Variants in MROH7 observed in about 807,000 individuals in gnomAD.
The protein encoded by MROH7 is maestro heat-like repeat-containing protein family member 7.
Under a neutral mutation model 129.2 loss-of-function variants are expected in MROH7, and 113 were observed. That is an observed-to-expected ratio of 0.87 (90% CI 0.75 to 1.02). The LOEUF (loss-of-function observed/expected upper bound fraction) is 1.02, where lower values mean the gene tolerates loss of function less well. Ranked by LOEUF, MROH7 falls within the 50% of genes least tolerant of loss-of-function variation. MROH7 has a pLI of 0.00. For synonymous variants in MROH7, 655 were observed against 667.9 expected (o/e 0.98, Z 0.30); for missense variants, 1,601 against 1,671.3 (o/e 0.96, Z 0.73).
chr1:54,704,579 T>C (rs981186908), intron 21 of MROH7, among the ~76,000 whole-genome samples: 3 of 151,306 alleles, frequency 2.0e-5, no homozygotes, highest in Non-Finnish European at 4.4e-5. Context: ...GCTGGAATTA[T>C]AGGCATGCAC....
At position 54,674,128 on chromosome 1, in the gene MROH7, A is replaced by G. The variant is rs775506952; in HGVS notation, c.1913A>G (p.Tyr638Cys). The change falls in exon 10 of 24, where the codon TAC becomes TGC. Residue 638 changes from tyrosine (Y) to cysteine (C), a missense_variant. By Grantham distance (194) the Tyr-to-Cys change is radical. Transcript: ENST00000421030. ...CEALDGIIIL[Y>C]TILELQKRAR... Reference sequence around the variant, plus strand: ...GCTCTGGACGGCATCATCATCCTCTACACTATTCTGGAGCTCCAAAAACGT... The same window carrying G: ...GCTCTGGACGGCATCATCATCCTCTGCACTATTCTGGAGCTCCAAAAACGT... 1.7e-5 allele frequency: 27 copies of G among 1,613,914 alleles called. No homozygotes were observed. The South Asian group carries it at 1.9e-4, about 11-fold the overall frequency.
chr1:54,668,569 T>G (rs768361108), intron 4 of MROH7, among the ~76,000 whole-genome samples: 15 of 152,124 alleles, frequency 9.9e-5, no homozygotes, highest in Non-Finnish European at 1.8e-4. Context: ...TTGGGGCCCT[T>G]TCTGTCCCCT....
chr1:54,693,732 G>A lies in MROH7; in HGVS notation c.2849+1171G>A, dbSNP rs78445242. Among the ~76,000 whole-genome samples, 1,474 of 152,268 alleles carry A rather than the reference G, an allele frequency of 9.7e-3. 122 individuals are homozygous for A. In the East Asian group the frequency reaches 0.2, roughly 20 times the overall value. Reference sequence around the variant, plus strand: ...GCAGGAAAGCCTGCATCTTAGCCCTGTACCCTGAGTGCCCCGGGTGGTGCT... The same window carrying A: ...GCAGGAAAGCCTGCATCTTAGCCCTATACCCTGAGTGCCCCGGGTGGTGCT... On this transcript the variant is annotated intron_variant, in intron 16 of 23. Coordinates refer to ENST00000421030, the MANE Select transcript of MROH7 (RefSeq NM_001039464.4).
At chr1:54,673,662 T>C (rs766214501) in intron 8 of MROH7, 39 bp from the exon 9 acceptor site, 2 of 1,514,318 alleles carry the variant, frequency 1.3e-6, no homozygotes. Context: ...GGGGCTGTCA[T>C]CTAACCTGTA....
intron 3 of MROH7, among the ~76,000 whole-genome samples, chr1:54,664,536 G>A (rs572082218): frequency 6.6e-6 from 1 of 152,360 alleles, no homozygotes; most frequent in African/African-American, 2.4e-5. Flanking sequence ...GAAGGAGGCT[G>A]GTGTGGCCAA....
In MROH7 at chr1:54,702,681, G is replaced by T. The variant is rs778678605; in HGVS notation, c.3500G>T (p.Arg1167Ile). 6.2e-7 allele frequency: 1 copy of T among 1,613,872 alleles called. No homozygotes were observed. The highest frequency in any genetic ancestry group is 1.7e-5 in the Admixed American group (1 of 59,970). ...TTCATGGCTTGGGAGTTGCCAAAAA[G>T]AGCTTATAGCCGGAAGCCCTGGGAC... Reference protein sequence around the residue: ...SYFMAWELPKRAYSRKPWDNQ... With the variant: ...SYFMAWELPKIAYSRKPWDNQ... Residue 1167 changes from arginine (R) to isoleucine (I), a missense_variant, in exon 21 of 24, where the codon AGA becomes ATA. Arg to Ile is a moderately conservative substitution (Grantham distance 97). Transcript: ENST00000421030.
Position 54,653,042 on chromosome 1 carries a change from C to T in MROH7, c.116C>T (p.Pro39Leu), listed in dbSNP as rs756427950. 2 of 1,614,208 alleles carry T rather than the reference C, an allele frequency of 1.2e-6. No individual in the cohort carries two copies. Among genetic ancestry groups the T allele is most frequent in the Non-Finnish European group, 1.7e-6 (2 of 1,180,036 alleles). Reference sequence around the variant, plus strand: ...TCTGGTACCATCCCTCAGCCCCACCCAGACATGGCTCAGGTGCCTATGTTG... The same window carrying T: ...TCTGGTACCATCCCTCAGCCCCACCTAGACATGGCTCAGGTGCCTATGTTG... ...LGSGTIPQPH[P>L]DMAQVPMLNL... Residue 39 changes from proline (P) to leucine (L), a missense_variant, in exon 3 of 24, where the codon CCA becomes CTA. Physicochemically the swap from Pro to Leu is moderately conservative, Grantham distance 98. Coordinates refer to ENST00000421030, the MANE Select transcript of MROH7 (RefSeq NM_001039464.4).
chr1:54,693,293 T>C (rs923921196), intron 16 of MROH7, among the ~76,000 whole-genome samples: 5 of 152,124 alleles, frequency 3.3e-5, no homozygotes, highest in African/African-American at 1.2e-4. Flanking sequence ...CTACCGAAAA[T>C]ACAAAAATTA....
At position 54,692,478 on chromosome 1, in the gene MROH7, G is replaced by T; in HGVS notation, c.2766G>T (p.Glu922Asp). Reference sequence around the variant, plus strand: ...TACTGAGGATGGGCTGCTCTTATGAGACCACGTTTCTGGAGGACCAGGGTG... The same window carrying T: ...TACTGAGGATGGGCTGCTCTTATGATACCACGTTTCTGGAGGACCAGGGTG... ...TLLLRMGCSY[E>D]TTFLEDQGGW... The change falls in exon 16 of 24, where the codon GAG (glutamate) becomes GAT (aspartate). Residue 922 changes from glutamate (E) to aspartate (D), a missense_variant. By Grantham distance (45) the Glu-to-Asp change is conservative. Transcript: ENST00000421030. 6.2e-7 allele frequency: 1 copy of T among 1,614,150 alleles called. No individual in the cohort carries two copies. Among genetic ancestry groups the T allele is most frequent in the Non-Finnish European group, 8.5e-7 (1 of 1,180,026 alleles).
chr1:54,670,082 A>C lies in MROH7; in HGVS notation c.1390-415A>C, dbSNP rs535417745. On this transcript the variant is annotated intron_variant, in intron 5 of 23. Coordinates refer to ENST00000421030, the MANE Select transcript of MROH7 (RefSeq NM_001039464.4). ...TCTCATCTTAAAAAGAAGAAAAAAA[A>C]ACACAAAAAAACATTTTAAAGGAAT... Among the ~76,000 whole-genome samples the C allele has an allele frequency of 6.1e-4, 93 of 151,728 alleles. 1 individual carries two copies. In the South Asian group the frequency reaches 0.019, roughly 32 times the overall value.
rs1361600250 is a variant in MROH7 at position 54,703,533 on chromosome 1, A to G, written c.3564+788A>G. ...TGTTTTGTGCTGAGGAAATGTGTTC[A>G]TGGTTCTTCATATAATAGTTTCCCA... On this transcript the variant is annotated intron_variant, in intron 21 of 23. Transcript: ENST00000421030. This position sits in a 1 kb window ranked among gnomAD's most constrained non-coding sequence, Gnocchi z 4.4. Among the ~76,000 whole-genome samples the G allele has an allele frequency of 3.3e-5, 5 of 151,944 alleles. No individual in the cohort carries two copies. The highest frequency in any genetic ancestry group is 7.4e-5 in the Non-Finnish European group (5 of 68,012).
chr1:54,653,623 G>C lies in MROH7; in HGVS notation c.697G>C (p.Ala233Pro). ...RNTSKLNLNV[A>P]PDSHGTLIPD... ...CACCTCCAAGCTGAACCTGAATGTA[G>C]CTCCAGATTCTCATGGGACCCTAAT... Residue 233 changes from alanine (A) to proline (P), a missense_variant, in exon 3 of 24, where the codon GCT (alanine) becomes CCT (proline). By Grantham distance (27) the Ala-to-Pro change is conservative. Coordinates refer to ENST00000421030, the MANE Select transcript of MROH7 (RefSeq NM_001039464.4). The C allele has an allele frequency of 6.2e-7, 1 of 1,614,122 alleles. No homozygotes were observed. Among genetic ancestry groups the C allele is most frequent in the Non-Finnish European group, 8.5e-7 (1 of 1,180,030 alleles).
At chr1:54,680,302 T>C (rs1203130953) in intron 13 of MROH7, among the ~76,000 whole-genome samples, 1 of 152,202 alleles carries the variant, frequency 6.6e-6, no homozygotes, top group Non-Finnish European at 1.5e-5. Flanking sequence ...GGGAAGTTTC[T>C]TGCCTTAGGT....
intron 5 of MROH7, 32 bp from the exon 6 acceptor site, chr1:54,670,465 C>T (rs887506389): frequency 6.2e-7 from 1 of 1,602,874 alleles, no homozygotes; most frequent in Non-Finnish European, 8.5e-7. Flanking sequence ...GTAGCCCTGT[C>T]CTCATCGGCC....
chr1:54,652,771 C>A, intron 2 of MROH7, 82 bp from the exon 3 acceptor site: 1 of 1,030,720 alleles, frequency 9.7e-7, no homozygotes, highest in Non-Finnish European at 1.4e-6. Context: ...CAGCAAGGGG[C>A]TTTCATCTTA....
chr1:54,647,771 G>C (rs1260239185), intron 1 of MROH7, among the ~76,000 whole-genome samples: 1 of 151,240 alleles, frequency 6.6e-6, no homozygotes, highest in African/African-American at 2.4e-5. Flanking sequence ...TGGGTTTGGT[G>C]GTGGGCACCT....
At chr1:54,651,103 T>A (rs1220460623) in intron 1 of MROH7, 2 of 152,212 alleles carry the variant, frequency 1.3e-5, no homozygotes, top group Non-Finnish European at 2.9e-5. Context: ...CACCACTGTG[T>A]GGTTCTGTCC....
intron 17 of MROH7, chr1:54,699,392 A>G (rs1414937869): frequency 6.6e-6 from 1 of 151,272 alleles, no homozygotes; most frequent in Non-Finnish European, 1.5e-5. Context: ...CAACCTCCAC[A>G]CCCTAGATTC....
At position 54,679,886 on chromosome 1, in the gene MROH7, C is replaced by A. The variant is rs759747247; in HGVS notation, c.2227-5C>A. On this transcript the variant is annotated splice_region_variant and splice_polypyrimidine_tract_variant and intron_variant, in intron 12 of 23. Transcript: ENST00000421030. ...TTGCTCATGGCTGCCCCGGCTGTGC[C>A]CCAGATCCCAGAAATCATGCAAGGC... 21 of 1,605,180 alleles carry A rather than the reference C, an allele frequency of 1.3e-5. No individual in the cohort carries two copies. The highest frequency in any genetic ancestry group is 1.6e-5 in the Non-Finnish European group (19 of 1,176,806).
Sources: gnomAD v4.1 joint callset for allele counts (sites outside exome capture counted in the v4.1 genomes callset) on GRCh38, gnomAD v4.1.1 for gene constraint, Gnocchi (gnomAD v3.1) non-coding constraint, MANE v1.5 for transcripts, NCBI Gene and HGNC (gene_info 2026-07-23, HGNC 2026-07-21) for gene names.